Variants in DNER observed in about 807,000 individuals in gnomAD.
The protein encoded by DNER is delta and Notch-like epidermal growth factor-related receptor.
Under a neutral mutation model 78.2 loss-of-function variants are expected in DNER, and 33 were observed. The ratio of observed to expected loss-of-function variants is 0.42; its 90% CI spans 0.32 to 0.56. The LOEUF (loss-of-function observed/expected upper bound fraction) is 0.56, where lower values mean the gene tolerates loss of function less well. Ranked by LOEUF, DNER falls within the 20% of genes least tolerant of loss-of-function variation. The pLI is 0.11. For synonymous variants in DNER, 417 were observed against 384.8 expected (o/e 1.08, Z -0.98); for missense variants, 918 against 975.3 (o/e 0.94, Z 0.78).
At chr2:229,393,318 C>G (rs575953104) in intron 10 of DNER, among the ~76,000 whole-genome samples, 1 of 152,072 alleles carries the variant, frequency 6.6e-6, no homozygotes, top group African/African-American at 2.4e-5. Context: ...ATCCCAACTA[C>G]TCAGGAGGCT....
At chr2:229,501,444 T>G (rs541931983) in intron 6 of DNER, among the ~76,000 whole-genome samples, 6 of 151,708 alleles carry the variant, frequency 4.0e-5, no homozygotes, top group African/African-American at 1.2e-4. Context: ...AAAAAAAAAT[T>G]TTGTACTGAT....
At chr2:229,518,783 T>C (rs982113332) in intron 5 of DNER, among the ~76,000 whole-genome samples, 1 of 152,192 alleles carries the variant, frequency 6.6e-6, no homozygotes, top group African/African-American at 2.4e-5. Flanking sequence ...TTAAACCTAA[T>C]ATGACATCCA....
chr2:229,409,339 C>G (rs12999920), intron 9 of DNER, among the ~76,000 whole-genome samples: 2 of 151,558 alleles, frequency 1.3e-5, no homozygotes, highest in African/African-American at 4.8e-5. Context: ...GTGGGAAATA[C>G]GGCCACCACC....
intron 6 of DNER, among the ~76,000 whole-genome samples, chr2:229,496,696 A>C (rs2154211838): frequency 6.6e-6 from 1 of 152,326 alleles, no homozygotes; most frequent in East Asian, 1.9e-4. Context: ...AAAAACTGTA[A>C]AAAGAGGCAA....
chr2:229,681,416 C>T (rs191426799), intron 1 of DNER, among the ~76,000 whole-genome samples: 19 of 152,254 alleles, frequency 1.2e-4, no homozygotes, highest in African/African-American at 3.9e-4. Context: ...GAACCATTGG[C>T]TCCCAGGTAA....
At chr2:229,403,575 T>C (rs1693315298) in intron 10 of DNER, among the ~76,000 whole-genome samples, 1 of 152,156 alleles carries the variant, frequency 6.6e-6, no homozygotes, top group African/African-American at 2.4e-5. Context: ...TGGTCCTCTG[T>C]AGGCTGAAAA....
rs115404206 is a variant in DNER, at chr2:229,394,057, G to A, written c.1724-5661C>T. On this transcript the variant is annotated intron_variant, in intron 10 of 12. Transcript: ENST00000341772. ...CAAGATGTGCAACAAACCCCAAGCA[G>A]GATAAACACAAGAAAACCACACACA... Among the ~76,000 whole-genome samples, 540 of 152,122 alleles carry A rather than the reference G, an allele frequency of 3.5e-3. 2 individuals carry two copies. Among genetic ancestry groups the A allele is most frequent in the Non-Finnish European group, 6.5e-3 (439 of 67,968 alleles).
chr2:229,429,460 G>C (rs1693958707), intron 8 of DNER, among the ~76,000 whole-genome samples: 1 of 152,184 alleles, frequency 6.6e-6, no homozygotes, highest in African/African-American at 2.4e-5. Context: ...TTGTCCGTGA[G>C]GTGGTAACAC....
At chr2:229,452,115 T>G (rs16826033) in intron 7 of DNER, among the ~76,000 whole-genome samples, 3,207 of 152,312 alleles carry the variant, frequency 0.021, 124 homozygotes, top group African/African-American at 0.074. Flanking sequence ...CTGAGGCTAC[T>G]GGATATCATC....
At chr2:229,681,009 A>G (rs1176242656) in intron 1 of DNER, among the ~76,000 whole-genome samples, 1 of 152,214 alleles carries the variant, frequency 6.6e-6, no homozygotes, top group African/African-American at 2.4e-5. Context: ...AAACAACGTA[A>G]AACCACAACA....
chr2:229,468,708 T>G (rs1331769362), intron 7 of DNER, among the ~76,000 whole-genome samples: 1 of 152,200 alleles, frequency 6.6e-6, no homozygotes, highest in African/African-American at 2.4e-5. Flanking sequence ...TGAATTACTC[T>G]TTCTCGATTG....
At chr2:229,411,989 T>G (rs1320861981) in intron 9 of DNER, among the ~76,000 whole-genome samples, 1 of 152,188 alleles carries the variant, frequency 6.6e-6, no homozygotes, top group Non-Finnish European at 1.5e-5. Flanking sequence ...TTTATTATTG[T>G]TATATTATTT....
chr2:229,395,553 T>A (rs1693117816), intron 10 of DNER, among the ~76,000 whole-genome samples: 1 of 152,206 alleles, frequency 6.6e-6, no homozygotes, highest in Admixed American at 6.5e-5. Context: ...ATATTCTGCC[T>A]TTTTGCTGTA....
chr2:229,533,413 G>A (rs1025434496), intron 5 of DNER, among the ~76,000 whole-genome samples: 5 of 152,168 alleles, frequency 3.3e-5, no homozygotes, highest in Non-Finnish European at 7.3e-5. Context: ...AAGAGGCAAA[G>A]CCGCGGCTTT....
chr2:229,485,807 C>T (rs964310622), intron 6 of DNER, among the ~76,000 whole-genome samples: 17 of 150,654 alleles, frequency 1.1e-4, no homozygotes, highest in Non-Finnish European at 4.5e-5. Context: ...CATGATTTCT[C>T]TACTGAAATA....
At chr2:229,445,239 G>A (rs950774206) in intron 8 of DNER, among the ~76,000 whole-genome samples, 1 of 152,146 alleles carries the variant, frequency 6.6e-6, no homozygotes, top group Non-Finnish European at 1.5e-5. Context: ...TCCTCCCACA[G>A]GACACGCAGC....
intron 7 of DNER, among the ~76,000 whole-genome samples, chr2:229,469,899 G>A (rs13021049): frequency 0.36 from 54,676 of 151,992 alleles, 11,576 homozygotes; most frequent in African/African-American, 0.59. Flanking sequence ...AGCCAAGATC[G>A]CGCCATTGCA....
chr2:229,458,805 A>G (rs1249841205), intron 7 of DNER, among the ~76,000 whole-genome samples: 1 of 152,010 alleles, frequency 6.6e-6, no homozygotes, highest in African/African-American at 2.4e-5. Context: ...TAAAAAACAT[A>G]AAGTGTAGAA....
intron 7 of DNER, among the ~76,000 whole-genome samples, chr2:229,474,306 T>TA (rs1359255715): frequency 6.6e-6 from 1 of 152,196 alleles, no homozygotes; most frequent in Non-Finnish European, 1.5e-5. Context: ...AGAGGCAGCT[T>TA]AAAAAATGCC....
Sources: allele counts gnomAD v4.1 joint callset (sites outside exome capture counted in the v4.1 genomes callset), GRCh38; gene constraint gnomAD v4.1.1; transcripts MANE v1.5; gene names NCBI Gene and HGNC (gene_info 2026-07-23, HGNC 2026-07-21).